Variants in NEK5 observed in about 807,000 individuals in gnomAD.
NEK5 encodes serine/threonine-protein kinase Nek5.
Under a neutral mutation model 109.2 loss-of-function variants are expected in NEK5, and 88 were observed. The observed-to-expected ratio is 0.81, with a 90% CI of 0.68 to 0.96. NEK5 has a LOEUF of 0.96. Ranked by LOEUF, NEK5 falls within the 40% of genes least tolerant of loss-of-function variation. The pLI is 0.00. For missense variants in NEK5, 834 were observed against 920.7 expected, an observed-to-expected ratio of 0.91 and a Z score of 1.22; for synonymous variants, 283 against 299.9, an observed-to-expected ratio of 0.94 and a Z score of 0.58.
chr13:52,099,773 T>TCTC lies in NEK5; in HGVS notation c.993_995dup (p.Arg332dup). ...TGGCCTTCTGGGCTCCAGCTGGTGG[T>TCTC]CTCCATTCATTTCTATGCAATATAG... is the stretch of plus-strand genomic sequence containing the variant. On this transcript the variant is annotated inframe_insertion, in exon 12 of 24. Coordinates refer to ENST00000684899, the MANE Select transcript of NEK5 (RefSeq NM_001365552.1). 1 of 1,613,792 alleles carries TCTC rather than the reference T, an allele frequency of 6.2e-7. No individual in the cohort carries two copies. Among genetic ancestry groups the TCTC allele is most frequent in the Non-Finnish European group, 8.5e-7 (1 of 1,179,788 alleles).
At chr13:52,116,231 C>T (rs1312886017) in intron 4 of NEK5, among the ~76,000 whole-genome samples, 1 of 151,152 alleles carries the variant, frequency 6.6e-6, no homozygotes, top group African/African-American at 2.4e-5. Flanking sequence ...TGGCATCTTC[C>T]AATCACTTGC....
intron 16 of NEK5, among the ~76,000 whole-genome samples, chr13:52,084,754 AGAGAGAGAGTGTGTGTGTGTGT>A (rs1955097561): frequency 1.9e-5 from 1 of 51,554 alleles, no homozygotes; most frequent in African/African-American, 4.3e-5. Flanking sequence ...AGAGAGAGAG[AGAGAGAGAGTGTGTGTGTGTGT>A]GTGTGTGTGT....
intron 23 of NEK5, among the ~76,000 whole-genome samples, chr13:52,044,845 G>A (rs1053774866): frequency 3.3e-5 from 5 of 152,078 alleles, no homozygotes; most frequent in African/African-American, 1.2e-4. Context: ...ACGAAAAGAG[G>A]CCTTTGGATT....
intron 23 of NEK5, among the ~76,000 whole-genome samples, chr13:52,048,458 A>C (rs933594653): frequency 6.6e-6 from 1 of 151,198 alleles, no homozygotes; most frequent in African/African-American, 2.5e-5. Context: ...TAAAATACCA[A>C]CAACAACAAA....
At chr13:52,104,269 A>G (rs1160084733) in intron 9 of NEK5, among the ~76,000 whole-genome samples, 1 of 152,164 alleles carries the variant, frequency 6.6e-6, no homozygotes, top group Non-Finnish European at 1.5e-5. Context: ...AGCCCACACA[A>G]TTTATTTTTA....
In NEK5 at chr13:52,083,347, GTTCTCCT is replaced by G; in HGVS notation, c.1480-2_1484del. 1.9e-6 allele frequency: 3 copies of G among 1,603,156 alleles called. No homozygotes were observed. The highest frequency in any genetic ancestry group is 2.6e-6 in the Non-Finnish European group (3 of 1,170,288). On this transcript the variant is annotated splice_acceptor_variant and coding_sequence_variant, in exon 17 of 24. Transcript: ENST00000684899. LOFTEE classifies it high-confidence loss of function. ...AATAGGTTTTATGACTTATTTTTGAGTTCTCCTTTAACACAAATTATACACAGTCAAC... is the reference window on the plus strand; with the variant it reads ...AATAGGTTTTATGACTTATTTTTGAGTTAACACAAATTATACACAGTCAAC...
intron 11 of NEK5, among the ~76,000 whole-genome samples, chr13:52,101,154 T>G (rs376074956): frequency 1.1e-3 from 163 of 152,274 alleles, no homozygotes; most frequent in African/African-American, 3.7e-3. Context: ...ATCCCAGCAC[T>G]TTGGGAGGCA....
intron 3 of NEK5, among the ~76,000 whole-genome samples, chr13:52,121,177 A>G (rs1001175657): frequency 2.2e-5 from 2 of 92,832 alleles, no homozygotes; most frequent in East Asian, 6.8e-4. Flanking sequence ...TTTTTTTTTT[A>G]AGACAAGGTC....
chr13:52,063,168 C>G (rs1391737264), intron 21 of NEK5, among the ~76,000 whole-genome samples: 1 of 152,148 alleles, frequency 6.6e-6, no homozygotes, highest in Non-Finnish European at 1.5e-5. Context: ...ACTGCAACCT[C>G]CCTGCCTGAT....
In NEK5 at chr13:52,056,928, C is replaced by G. The variant is rs894733639; in HGVS notation, c.2110+4891G>C. On this transcript the variant is annotated intron_variant, in intron 22 of 23. Transcript: ENST00000684899. The stretch of plus-strand genomic sequence containing the variant: ...CAAACACATTCAAAAGCTAGCAGAA[C>G]GCAAGAAATAACTAAAATCAGAGCA... Among the ~76,000 whole-genome samples the G allele has an allele frequency of 3.6e-3, 550 of 151,576 alleles. 3 individuals are homozygous for G. The highest frequency in any genetic ancestry group is 0.012 in the African/African-American group (489 of 41,350).
intron 4 of NEK5, among the ~76,000 whole-genome samples, chr13:52,116,178 CA>C (rs35020086): frequency 2.2e-4 from 25 of 115,874 alleles, no homozygotes; most frequent in African/African-American, 3.3e-4. Context: ...AAGACTGTCT[CA>C]AAAAAAAAAA....
At chr13:52,063,022 TCTCTCC>T (rs1485172754) in intron 21 of NEK5, among the ~76,000 whole-genome samples, 2 of 151,674 alleles carry the variant, frequency 1.3e-5, no homozygotes, top group African/African-American at 4.9e-5. Context: ...AGAATGACAA[TCTCTCC>T]CTCTCCCTCT....
Position 52,034,723 on chromosome 13 carries a change from G to GTTTTT in NEK5, c.*2224_*2225insAAAAA, listed in dbSNP as rs1954343522. On this transcript the variant is annotated 3_prime_UTR_variant, in exon 24 of 24. Coordinates refer to ENST00000684899, the MANE Select transcript of NEK5 (RefSeq NM_001365552.1). Reference sequence around the variant, plus strand: ...TTTTTTTTTTTTTTTTTTCTGAGGGGTGGATAGAGATGGGTGTTTCCCTAT... The same window carrying GTTTTT: ...TTTTTTTTTTTTTTTTTTCTGAGGGGTTTTTTGGATAGAGATGGGTGTTTCCCTAT... 6.8e-6 allele frequency: 1 copy of GTTTTT among 146,932 alleles called. No homozygotes were observed. Among genetic ancestry groups the GTTTTT allele is most frequent in the African/African-American group, 2.5e-5 (1 of 39,888 alleles). The allele number at this position is 146,932 out of a possible 1,614,324, so 9.1% of individuals were successfully genotyped here. A position where few individuals can be genotyped will look rare whatever the true frequency, so the allele number is the denominator to read the frequency against.
chr13:52,093,226 T>C lies in NEK5; in HGVS notation c.1036A>G (p.Ile346Val), dbSNP rs1422827877. Residue 346 changes from isoleucine to valine, a missense_variant, in exon 13 of 24, where the codon ATA becomes GTA. Physicochemically the swap from Ile to Val is conservative, Grantham distance 29. Transcript: ENST00000684899. ...ACAGCAGCAATTTTGGGTCTTTCTA[T>C]CATTTTTATCTGAAGAAAACAAGAG... Reference protein sequence around the residue: ...GAQKARSIKMIERPKIAAVCG... With the variant: ...GAQKARSIKMVERPKIAAVCG... 2 of 1,610,524 alleles carry C rather than the reference T, an allele frequency of 1.2e-6. No individual in the cohort carries two copies. Among genetic ancestry groups the C allele is most frequent in the Non-Finnish European group, 1.7e-6 (2 of 1,177,100 alleles).
At chr13:52,126,186 A>G (rs920494120) in intron 3 of NEK5, among the ~76,000 whole-genome samples, 1 of 152,212 alleles carries the variant, frequency 6.6e-6, no homozygotes. Flanking sequence ...CTAGCAAACA[A>G]TGGACATTGT....
chr13:52,089,021 G>A (rs556772423), intron 14 of NEK5, among the ~76,000 whole-genome samples: 1 of 152,120 alleles, frequency 6.6e-6, no homozygotes, highest in East Asian at 1.9e-4. Flanking sequence ...AACCTGGGAG[G>A]CAGAGGTTGC....
At chr13:52,055,963 TAA>T in intron 22 of NEK5, among the ~76,000 whole-genome samples, 1 of 151,638 alleles carries the variant, frequency 6.6e-6, no homozygotes, top group Non-Finnish European at 1.5e-5. Context: ...ACTTTAAATG[TAA>T]ATGGACTAAA....
chr13:52,084,456 C>T (rs982028826), intron 16 of NEK5, among the ~76,000 whole-genome samples: 2 of 151,928 alleles, frequency 1.3e-5, no homozygotes, highest in African/African-American at 2.4e-5. Context: ...TGGGCTCAAG[C>T]GATCCTTCTG....
chr13:52,069,769 G>A (rs1954755842), intron 20 of NEK5, among the ~76,000 whole-genome samples: 1 of 152,142 alleles, frequency 6.6e-6, no homozygotes, highest in Admixed American at 6.5e-5. Flanking sequence ...CTCTTCTCCT[G>A]CCTTCAGTCT....
Sources: gnomAD v4.1 joint callset for allele counts (sites outside exome capture counted in the v4.1 genomes callset) on GRCh38, gnomAD v4.1.1 for gene constraint, MANE v1.5 for transcripts, NCBI Gene and HGNC (gene_info 2026-07-23, HGNC 2026-07-21) for gene names.